The following PTGER4 variants were observed in gnomAD, a reference collection of about 807,000 sequenced individuals.
The protein encoded by PTGER4 is prostaglandin E receptor 4.
In PTGER4, 11 loss-of-function variants were observed where a neutral mutation model predicts 33.2. That is an observed-to-expected ratio of 0.33 (90% CI 0.21 to 0.55). PTGER4 has a LOEUF of 0.55. Ranked by LOEUF, PTGER4 falls within the 20% of genes least tolerant of loss-of-function variation. PTGER4 has a pLI of 0.92. For synonymous variants in PTGER4, 275 were observed against 281.5 expected (o/e 0.98, Z 0.23); for missense variants, 481 against 650.2 (o/e 0.74, Z 2.83).
At chr5:40,717,458 C>T in the PTGER4 span, among the ~76,000 whole-genome samples, 1 of 152,088 alleles carries the variant, frequency 6.6e-6, no homozygotes, top group Admixed American at 6.5e-5. Context: ...ACAAGAACTC[C>T]ACTACAGTCT....
chr5:40,681,852 C>A lies in PTGER4; in HGVS notation c.859C>A (p.Pro287Thr). The A allele has an allele frequency of 6.6e-7, 1 of 1,518,312 alleles. No individual in the cohort carries two copies. The highest frequency in any genetic ancestry group is 8.8e-7 in the Non-Finnish European group (1 of 1,137,526). 94.1% of individuals were successfully genotyped at this position (1,518,312 alleles called of 1,614,324 possible). Residue 287 changes from proline (P) to threonine (T), a missense_variant, in exon 2 of 3, where the codon CCG becomes ACG. This residue lies in a region of PTGER4 where 174 missense variants were observed against 210.5 expected (regional missense o/e 0.83). Coordinates refer to ENST00000302472, the MANE Select transcript of PTGER4 (RefSeq NM_000958.3). The surrounding 1 kb of genome is among the most constrained non-coding windows in gnomAD (Gnocchi z 9.8). ...CCTGGTGGTGCTCATCTGCTCCATC[C>A]CGCTCGTGGTGAGTGACCGGGGCTG... ...TSLVVLICSI[P>T]LVVRVFVNQL...
chr5:40,697,352 G>A (rs565172329), downstream of PTGER4, among the ~76,000 whole-genome samples: 3 of 152,100 alleles, frequency 2.0e-5, no homozygotes, highest in African/African-American at 7.2e-5. Flanking sequence ...TTGGAAGGCC[G>A]AGGCAGGCGG....
At position 40,688,604 on chromosome 5, in the gene PTGER4, T is replaced by C. The variant is rs567447433; in HGVS notation, c.868-3175T>C. On this transcript the variant is annotated intron_variant, in intron 2 of 2. Coordinates refer to ENST00000302472, the MANE Select transcript of PTGER4 (RefSeq NM_000958.3). ...TCTGCCACCAACAGGGTGGGGGACA[T>C]CCTAAGTTCCTCAAAACCTCTGGGT... 5.9e-5 allele frequency among the ~76,000 whole-genome samples: 9 copies of C among 152,242 alleles called. No homozygotes were observed. The South Asian group carries it at 1.9e-3, about 32-fold the overall frequency.
the PTGER4 span, among the ~76,000 whole-genome samples, chr5:40,741,729 C>T: frequency 3.9e-5 from 6 of 152,316 alleles, no homozygotes; most frequent in South Asian, 1.0e-3. Flanking sequence ...TAGCTCACAC[C>T]TGTAATTCCA....
In PTGER4 at chr5:40,691,460, G is replaced by C. The variant is rs186633996; in HGVS notation, c.868-319G>C. 6.6e-6 allele frequency among the ~76,000 whole-genome samples: 1 copy of C among 152,224 alleles called. No homozygotes were observed. Among genetic ancestry groups the C allele is most frequent in the African/African-American group, 2.4e-5 (1 of 41,462 alleles). ...CTACCAAAATGCTGGGATTACAGGC[G>C]TGAGCCACCGCACCCAGCCTAATGT... On this transcript the variant is annotated intron_variant, in intron 2 of 2. Transcript: ENST00000302472. The surrounding 1 kb of genome is among the most constrained non-coding windows in gnomAD (Gnocchi z 4.2).
the PTGER4 span, chr5:40,716,528 T>C: frequency 1.6e-5 from 24 of 1,502,844 alleles, no homozygotes; most frequent in Non-Finnish European, 1.4e-5. Context: ...TTTTTTGTTT[T>C]GGTTTTAAAA....
the PTGER4 span, among the ~76,000 whole-genome samples, chr5:40,738,278 G>A: frequency 2.0e-5 from 3 of 151,858 alleles, no homozygotes; most frequent in Non-Finnish European, 2.9e-5. Context: ...CAGGCATAGA[G>A]TGGTGCGCGC....
At position 40,679,928 on chromosome 5, in the gene PTGER4, A is replaced by G. The variant is rs748037239; in HGVS notation, c.-594A>G. 2 of 152,618 alleles carry G rather than the reference A, an allele frequency of 1.3e-5. No individual in the cohort carries two copies. Among genetic ancestry groups the G allele is most frequent in the Non-Finnish European group, 2.9e-5 (2 of 68,278 alleles). The allele number at this position is 152,618 out of a possible 1,614,324, so 9.5% of individuals were successfully genotyped here. ...AGAAAAGTTTGTACAGAGGGTGGAA[A>G]GGCGAGAGCGGAGCTCCAAGCCCGG... On this transcript the variant is annotated 5_prime_UTR_variant, in exon 1 of 3. Coordinates refer to ENST00000302472, the MANE Select transcript of PTGER4 (RefSeq NM_000958.3).
At chr5:40,730,025 G>A in the PTGER4 span, among the ~76,000 whole-genome samples, 52 of 152,118 alleles carry the variant, frequency 3.4e-4, no homozygotes, top group Non-Finnish European at 4.7e-4. Flanking sequence ...GATAGCCACC[G>A]ATTCCTATCT....
the PTGER4 span, among the ~76,000 whole-genome samples, chr5:40,711,202 A>G: frequency 6.6e-6 from 1 of 152,098 alleles, no homozygotes; most frequent in East Asian, 1.9e-4. Flanking sequence ...ACAACTCAAT[A>G]AGAAGATGAC....
the PTGER4 span, among the ~76,000 whole-genome samples, chr5:40,738,861 T>C: frequency 6.6e-6 from 1 of 152,180 alleles, no homozygotes; most frequent in East Asian, 1.9e-4. Context: ...GTGAAGCATC[T>C]GCTCCAACTT....
the PTGER4 span, among the ~76,000 whole-genome samples, chr5:40,721,719 C>A: frequency 2.0e-5 from 3 of 151,786 alleles, no homozygotes; most frequent in African/African-American, 7.3e-5. Context: ...ACAGGGAAAA[C>A]CTTCATGACA....
At chr5:40,746,383 AT>A in the PTGER4 span, among the ~76,000 whole-genome samples, 305 of 151,332 alleles carry the variant, frequency 2.0e-3, 1 homozygote, top group African/African-American at 6.7e-3. Context: ...CTAAATACCT[AT>A]TTTTTTTTAT....
rs1741488658 is a variant in PTGER4 at position 40,692,085 on chromosome 5, T to A, written c.1174T>A (p.Ser392Thr). Residue 392 changes from serine to threonine, a missense_variant, in exon 3 of 3, where the codon TCT becomes ACT. Ser to Thr is a moderately conservative substitution (Grantham distance 58, BLOSUM62 1). This residue lies in a region of PTGER4 where 172 missense variants were observed against 199.2 expected (regional missense o/e 0.86). Transcript: ENST00000302472. ...SRELKEISST[S>T]QTLLPDLSLP... The stretch of plus-strand genomic sequence containing the variant: ...GGAGCTGAAGGAGATCAGCAGTACA[T>A]CTCAGACCCTCCTGCCAGACCTCTC... The A allele has an allele frequency of 6.2e-7, 1 of 1,614,162 alleles. No homozygotes were observed. The highest frequency in any genetic ancestry group is 8.5e-7 in the Non-Finnish European group (1 of 1,180,034).
At chr5:40,746,647 C>A in the PTGER4 span, 3 of 614,576 alleles carry the variant, frequency 4.9e-6, no homozygotes, top group Non-Finnish European at 7.9e-6. Context: ...TTTCAGGTGA[C>A]TTTGAAACAC....
chr5:40,711,282 G>A, the PTGER4 span, among the ~76,000 whole-genome samples: 643 of 152,170 alleles, frequency 4.2e-3, 2 homozygotes, highest in African/African-American at 0.015. Context: ...ATAAGCCTAT[G>A]AAAAGATGCT....
the PTGER4 span, among the ~76,000 whole-genome samples, chr5:40,727,335 G>C: frequency 6.6e-6 from 1 of 152,120 alleles, no homozygotes; most frequent in Admixed American, 6.5e-5. Flanking sequence ...CTGTATATTA[G>C]ATTTGCAAAC....
chr5:40,738,823 C>A, the PTGER4 span, among the ~76,000 whole-genome samples: 1 of 151,848 alleles, frequency 6.6e-6, no homozygotes, highest in Non-Finnish European at 1.5e-5. Flanking sequence ...TTTTTTTATG[C>A]TTCTTGGTCA....
At chr5:40,709,587 T>A in the PTGER4 span, among the ~76,000 whole-genome samples, 1 of 152,038 alleles carries the variant, frequency 6.6e-6, no homozygotes, top group African/African-American at 2.4e-5. Flanking sequence ...AGAATCAATA[T>A]CATGAAAATG....
Sources: allele counts gnomAD v4.1 joint callset (sites outside exome capture counted in the v4.1 genomes callset), GRCh38; gene constraint gnomAD v4.1.1; regional missense constraint gnomAD v4.1.1; non-coding constraint Gnocchi (gnomAD v3.1); transcripts MANE v1.5; gene names NCBI Gene and HGNC (gene_info 2026-07-23, HGNC 2026-07-21).